HMGCLL1: variants seen among roughly 807,000 people sequenced by gnomAD.
HMGCLL1 encodes the protein 3-hydroxy-3-methylglutaryl-CoA lyase like 1.
Under a neutral mutation model 39.1 loss-of-function variants are expected in HMGCLL1, and 36 were observed. The observed-to-expected ratio is 0.92, with a 90% CI of 0.71 to 1.22. The LOEUF (loss-of-function observed/expected upper bound fraction) is 1.22. Ranked by LOEUF, HMGCLL1 falls within the 50% of genes most tolerant of loss-of-function variation. HMGCLL1 has a pLI of 0.00. For missense variants in HMGCLL1, 451 were observed against 416.5 expected, an observed-to-expected ratio of 1.08 and a Z score of -0.72; for synonymous variants, 149 against 144.0, an observed-to-expected ratio of 1.03 and a Z score of -0.25.
At chr6:55,563,225 C>G (rs1037897335) in intron 1 of HMGCLL1, among the ~76,000 whole-genome samples, 1 of 151,956 alleles carries the variant, frequency 6.6e-6, no homozygotes, top group Non-Finnish European at 1.5e-5. Flanking sequence ...TAGTTGATAA[C>G]TAAGAAATTA....
intron 5 of HMGCLL1, among the ~76,000 whole-genome samples, chr6:55,507,111 G>A: frequency 6.6e-6 from 1 of 151,620 alleles, no homozygotes; most frequent in East Asian, 1.9e-4. Context: ...ACTTCAGCAA[G>A]GGATCTCCTG....
At chr6:55,630,599 C>G in the HMGCLL1 span, among the ~76,000 whole-genome samples, 2 of 151,988 alleles carry the variant, frequency 1.3e-5, no homozygotes, top group South Asian at 2.1e-4. Flanking sequence ...TGTCCCCACT[C>G]AAATGTGGGG....
chr6:55,579,825 C>G (rs1300224598), upstream of HMGCLL1, among the ~76,000 whole-genome samples: 1 of 152,126 alleles, frequency 6.6e-6, no homozygotes, highest in Non-Finnish European at 1.5e-5. Flanking sequence ...AAATTCTATA[C>G]AAGTTCTTAG....
the HMGCLL1 span, among the ~76,000 whole-genome samples, chr6:55,650,134 T>C: frequency 0.03 from 1,570 of 53,186 alleles, 34 homozygotes; most frequent in Admixed American, 0.037. Flanking sequence ...TATATATATA[T>C]ACACACACAC....
At chr6:55,448,369 TACATA>T (rs1763946041) in intron 7 of HMGCLL1, among the ~76,000 whole-genome samples, 1 of 149,364 alleles carries the variant, frequency 6.7e-6, no homozygotes, top group Admixed American at 6.7e-5. Flanking sequence ...TATACAAAAA[TACATA>T]ATATGAAAAA....
intron 1 of HMGCLL1, among the ~76,000 whole-genome samples, chr6:55,571,293 C>A (rs1304853954): frequency 6.6e-6 from 1 of 152,112 alleles, no homozygotes; most frequent in African/African-American, 2.4e-5. Flanking sequence ...TGGTAATATG[C>A]CTGGTACATG....
the HMGCLL1 span, among the ~76,000 whole-genome samples, chr6:55,630,437 T>C: frequency 6.6e-6 from 1 of 152,076 alleles, no homozygotes; most frequent in African/African-American, 2.4e-5. Flanking sequence ...GGGATTTACC[T>C]TGTCTCAGAT....
the HMGCLL1 span, among the ~76,000 whole-genome samples, chr6:55,644,891 G>A: frequency 1.3e-5 from 2 of 151,868 alleles, no homozygotes; most frequent in Non-Finnish European, 2.9e-5. Flanking sequence ...GGTCTCCTGT[G>A]ACTCCACATA....
At chr6:55,639,537 A>G in the HMGCLL1 span, among the ~76,000 whole-genome samples, 2 of 152,076 alleles carry the variant, frequency 1.3e-5, no homozygotes, top group Non-Finnish European at 2.9e-5. Flanking sequence ...AAGGAAATAG[A>G]GATGAATAGT....
At chr6:55,594,182 A>C in the HMGCLL1 span, among the ~76,000 whole-genome samples, 6 of 152,220 alleles carry the variant, frequency 3.9e-5, no homozygotes, top group Admixed American at 6.5e-5. Flanking sequence ...ATTATAAAAA[A>C]ATTTGAATCT....
At chr6:55,588,125 C>G in the HMGCLL1 span, among the ~76,000 whole-genome samples, 1 of 152,144 alleles carries the variant, frequency 6.6e-6, no homozygotes, top group South Asian at 2.1e-4. Flanking sequence ...CACACCACAC[C>G]TATTCCAAAA....
At chr6:55,578,241 T>G (rs1167669069) in intron 1 of HMGCLL1, among the ~76,000 whole-genome samples, 2 of 152,188 alleles carry the variant, frequency 1.3e-5, no homozygotes, top group Non-Finnish European at 2.9e-5. Flanking sequence ...TTTTGTGGAA[T>G]TTTAGATTTT....
chr6:55,632,157 AGG>A, the HMGCLL1 span, among the ~76,000 whole-genome samples: 3 of 152,144 alleles, frequency 2.0e-5, no homozygotes, highest in Non-Finnish European at 4.4e-5. Context: ...GCCAAGATGT[AGG>A]TTATAATTTG....
In HMGCLL1 at chr6:55,548,049, G is replaced by T. The variant is rs191091488; in HGVS notation, c.109-5909C>A. 8.2e-4 allele frequency among the ~76,000 whole-genome samples: 124 copies of T among 152,074 alleles called. 2 individuals carry two copies. The East Asian group carries it at 0.02, about 24-fold the overall frequency. On this transcript the variant is annotated intron_variant, in intron 1 of 8. Coordinates refer to ENST00000274901, the MANE Select transcript of HMGCLL1 (RefSeq NM_001042406.2). Reference sequence around the variant, plus strand: ...GTTGATTCACAGGCAATCTTTGGCAGTTTAATAAAAATTTATTTGTAACCA... The same window carrying T: ...GTTGATTCACAGGCAATCTTTGGCATTTTAATAAAAATTTATTTGTAACCA...
At chr6:55,440,269 T>C (rs555528161) in intron 7 of HMGCLL1, among the ~76,000 whole-genome samples, 20 of 152,248 alleles carry the variant, frequency 1.3e-4, no homozygotes, top group South Asian at 2.1e-4. Flanking sequence ...GTAGATACTC[T>C]TGTATCATCC....
At chr6:55,657,807 A>G in the HMGCLL1 span, among the ~76,000 whole-genome samples, 1 of 152,002 alleles carries the variant, frequency 6.6e-6, no homozygotes, top group Admixed American at 6.6e-5. Flanking sequence ...TAATACAGGA[A>G]CAGAAAACCA....
chr6:55,659,732 T>C, the HMGCLL1 span, among the ~76,000 whole-genome samples: 495 of 152,042 alleles, frequency 3.3e-3, 5 homozygotes, highest in Middle Eastern at 0.01. Flanking sequence ...TGTATCTTTG[T>C]TCTTCACTTT....
the HMGCLL1 span, among the ~76,000 whole-genome samples, chr6:55,615,276 A>G: frequency 1.3e-5 from 2 of 152,276 alleles, no homozygotes; most frequent in Non-Finnish European, 2.9e-5. Context: ...TCATAGGAAA[A>G]AAAAGAAAGG....
intron 7 of HMGCLL1, among the ~76,000 whole-genome samples, chr6:55,477,021 T>C (rs369351059): frequency 6.5e-5 from 7 of 108,204 alleles, no homozygotes; most frequent in East Asian, 3.6e-4. Flanking sequence ...ATCCTTTGGG[T>C]ATATACCCAG....
Sources: allele counts gnomAD v4.1 joint callset (sites outside exome capture counted in the v4.1 genomes callset), GRCh38; gene constraint gnomAD v4.1.1; transcripts MANE v1.5; gene names NCBI Gene and HGNC (gene_info 2026-07-23, HGNC 2026-07-21).